The following OTOG variants were observed in gnomAD, a reference collection of about 807,000 sequenced individuals.
The protein encoded by OTOG is otogelin.
In OTOG, 296 loss-of-function variants were observed where a neutral mutation model predicts 313.8. That is an observed-to-expected ratio of 0.94 (90% CI 0.86 to 1.04). The LOEUF (loss-of-function observed/expected upper bound fraction) is 1.04, where lower values mean the gene tolerates loss of function less well. Among genes scored for constraint, OTOG ranks in the 50% least tolerant of loss-of-function variants. The pLI is 0.00. For missense variants in OTOG, 3,948 were observed against 3,840.1 expected, an observed-to-expected ratio of 1.03 and a Z score of -0.74; for synonymous variants, 1,533 against 1,554.9, an observed-to-expected ratio of 0.99 and a Z score of 0.33.
chr11:17,600,331 C>T (rs1853218299), intron 31 of OTOG, among the ~76,000 whole-genome samples: 2 of 152,160 alleles, frequency 1.3e-5, no homozygotes, highest in South Asian at 2.1e-4. Context: ...GTTTTTAGCA[C>T]CGAACTTCAT....
intron 34 of OTOG, among the ~76,000 whole-genome samples, chr11:17,608,878 C>T (rs191316590): frequency 2.5e-3 from 381 of 152,044 alleles, no homozygotes; most frequent in Middle Eastern, 0.01. Flanking sequence ...GTACCTTGCT[C>T]GTGTGTGTGT....
chr11:17,549,016 C>T (rs1438047269), intron 3 of OTOG, among the ~76,000 whole-genome samples: 5 of 152,180 alleles, frequency 3.3e-5, no homozygotes, highest in Non-Finnish European at 5.9e-5. Context: ...TGAGCCCGGC[C>T]TCTATCCTTT....
At chr11:17,643,591 C>A in intron 54 of OTOG, 85 bp downstream of exon 54, 1 of 1,037,972 alleles carries the variant, frequency 9.6e-7, no homozygotes, top group South Asian at 2.5e-5. Flanking sequence ...GACCAGGTTC[C>A]TGGCCTGGCA....
At position 17,547,407 on chromosome 11, in the gene OTOG, T is replaced by G; in HGVS notation, c.35T>G (p.Leu12Arg). 1.4e-6 allele frequency: 2 copies of G among 1,420,698 alleles called. No individual in the cohort carries two copies. Among genetic ancestry groups the G allele is most frequent in the East Asian group, 2.9e-5 (1 of 34,644 alleles). 88.0% of individuals were successfully genotyped at this position (1,420,698 alleles called of 1,614,324 possible). A position where few individuals can be genotyped will look rare whatever the true frequency, so the allele number is the denominator to read the frequency against. Reference protein sequence around the residue: ...GVLASALCWLLCVWLPWGEQA... With the variant: ...GVLASALCWLRCVWLPWGEQA... ...CTGGCGTCTGCGCTCTGCTGGCTGC[T>G]TTGTGTCTGGCTGCCCTGGGGTGAG... The change falls in exon 1 of 56, where the codon CTT becomes CGT. Residue 12 changes from leucine (L) to arginine (R), a missense_variant. Leu to Arg is a moderately radical substitution (Grantham distance 102, BLOSUM62 -2). Coordinates refer to ENST00000399397, the MANE Select transcript of OTOG (RefSeq NM_001292063.2).
chr11:17,633,599 TC>T, intron 42 of OTOG, 80 bp from the exon 43 acceptor site: 1 of 1,324,360 alleles, frequency 7.6e-7, no homozygotes, highest in Non-Finnish European at 1.0e-6. Flanking sequence ...CCTCTCCTCA[TC>T]CCCTCCTGTT....
chr11:17,642,050 AG>A, intron 52 of OTOG, 76 bp from the exon 53 acceptor site: 3 of 1,518,964 alleles, frequency 2.0e-6, no homozygotes, highest in Non-Finnish European at 1.8e-6. Context: ...GGGTACAAAC[AG>A]GCTCCCAGAC....
chr11:17,611,763 G>A (rs11024342), intron 36 of OTOG, among the ~76,000 whole-genome samples: 15,098 of 152,200 alleles, frequency 0.099, 1,311 homozygotes, highest in African/African-American at 0.23. Flanking sequence ...GTGTGTGTGA[G>A]GAATGGTGTT....
At chr11:17,635,764 G>T in intron 47 of OTOG, 53 bp downstream of exon 47, 2 of 1,433,176 alleles carry the variant, frequency 1.4e-6, no homozygotes, top group Non-Finnish European at 9.6e-7. Flanking sequence ...GCCCTTCACA[G>T]AGTTCCCACC....
At chr11:17,565,290 T>C (rs1160094318) in intron 15 of OTOG, among the ~76,000 whole-genome samples, 2 of 152,210 alleles carry the variant, frequency 1.3e-5, no homozygotes, top group East Asian at 3.8e-4. Context: ...TGCCTCTCTA[T>C]TGGAATTTGT....
chr11:17,641,712 G>A (rs1847973772), intron 51 of OTOG, 135 bp from the exon 52 acceptor site: 4 of 618,034 alleles, frequency 6.5e-6, no homozygotes, highest in Non-Finnish European at 1.1e-5. Flanking sequence ...GACAGAAGGA[G>A]GCTGGGAGCG....
chr11:17,614,219 G>A (rs142476582), intron 39 of OTOG, among the ~76,000 whole-genome samples: 1 of 152,250 alleles, frequency 6.6e-6, no homozygotes, highest in Non-Finnish European at 1.5e-5. Flanking sequence ...AAAGGGTACT[G>A]ATCTGTCTCC....
At position 17,629,314 on chromosome 11, in the gene OTOG, G is replaced by A; in HGVS notation, c.6710G>A (p.Cys2237Tyr). Residue 2237 changes from cysteine (C) to tyrosine (Y), a missense_variant and splice_region_variant, in exon 40 of 56, where the codon TGC becomes TAC. By Grantham distance (194) the Cys-to-Tyr change is radical. Coordinates refer to ENST00000399397, the MANE Select transcript of OTOG (RefSeq NM_001292063.2). ...AGCAAGGCCCAGGGCCATGGCCTGT[G>A]CGGTGAGGTGGAACCCAGCTTGCGG... ...KTSKAQGHGLCGICDGDAAND... is the reference protein window; with the variant it reads ...KTSKAQGHGLYGICDGDAAND... 2.6e-6 allele frequency: 4 copies of A among 1,548,228 alleles called. No homozygotes were observed. Among genetic ancestry groups the A allele is most frequent in the Non-Finnish European group, 3.5e-6 (4 of 1,145,954 alleles).
intron 6 of OTOG, among the ~76,000 whole-genome samples, chr11:17,554,303 T>G (rs1460343226): frequency 6.6e-6 from 1 of 152,202 alleles, no homozygotes; most frequent in Non-Finnish European, 1.5e-5. Flanking sequence ...TTTGGGTTGG[T>G]TTTCTCTACC....
chr11:17,548,619 G>A (rs1472938932), intron 3 of OTOG, among the ~76,000 whole-genome samples: 1 of 151,874 alleles, frequency 6.6e-6, no homozygotes, highest in African/African-American at 2.4e-5. Flanking sequence ...ACCCTGAGCG[G>A]AGCCTCAAGA....
chr11:17,570,030 A>C (rs372168300), intron 16 of OTOG, among the ~76,000 whole-genome samples, 183 bp from the exon 17 acceptor site: 1 of 152,176 alleles, frequency 6.6e-6, no homozygotes, highest in East Asian at 1.9e-4. Context: ...TGATTTCATC[A>C]CTGAACAGGG....
intron 39 of OTOG, 113 bp downstream of exon 39, chr11:17,613,814 G>A: frequency 1.3e-6 from 1 of 799,292 alleles, no homozygotes; most frequent in East Asian, 2.7e-5. Flanking sequence ...CAGGGGTGGG[G>A]AGGGGACCTT....
In OTOG at chr11:17,634,076, TGACAGCATGGGG is replaced by T. The variant is rs1376825686; in HGVS notation, c.7277_7288del (p.Asp2426_Gly2429del). 2.6e-6 allele frequency: 4 copies of T among 1,545,464 alleles called. No individual in the cohort carries two copies. The highest frequency in any genetic ancestry group is 3.5e-6 in the Non-Finnish European group (4 of 1,146,786). On this transcript the variant is annotated inframe_deletion, in exon 44 of 56. Transcript: ENST00000399397. The stretch of plus-strand genomic sequence containing the variant: ...TGCCATTCCCCTCTGCAGCCTGCAC[TGACAGCATGGGG>T]GTGCCGAGGGCCCTGGGGGAGACCT...
chr11:17,610,032 A>G lies in OTOG; in HGVS notation c.4732A>G (p.Thr1578Ala). 2 of 1,549,002 alleles carry G rather than the reference A, an allele frequency of 1.3e-6. No homozygotes were observed. The highest frequency in any genetic ancestry group is 1.7e-6 in the Non-Finnish European group (2 of 1,145,880). The change falls in exon 36 of 56, where the codon ACA becomes GCA. Residue 1578 changes from threonine to alanine, a missense_variant. Physicochemically the swap from Thr to Ala is moderately conservative, Grantham distance 58 (BLOSUM62 0). Transcript: ENST00000399397. ...SSLPVALQTP[T>A]PGMVSGAMET... is the part of the protein sequence containing the mutation. ...CCTCCCTGTTGCACTGCAGACACCC[A>G]CACCTGGCATGGTGTCAGGTGCCAT...
At chr11:17,605,178 A>T (rs572910901) in intron 32 of OTOG, among the ~76,000 whole-genome samples, 1 of 152,382 alleles carries the variant, frequency 6.6e-6, no homozygotes, top group Admixed American at 6.5e-5. Flanking sequence ...GAGGAGACCC[A>T]TAAGGCCCTG....
Sources: gnomAD v4.1 joint callset for allele counts (sites outside exome capture counted in the v4.1 genomes callset) on GRCh38, gnomAD v4.1.1 for gene constraint, MANE v1.5 for transcripts, NCBI Gene and HGNC (gene_info 2026-07-23, HGNC 2026-07-21) for gene names.